Variants in ECD observed in about 807,000 individuals in gnomAD.
ECD encodes the protein protein ecdysoneless homolog.
ECD carries 59 observed loss-of-function variants against 77.2 expected under a neutral mutation model. The observed-to-expected ratio is 0.76, with a 90% CI of 0.62 to 0.95. The LOEUF is 0.95. ECD is among the 40% of genes least tolerant of loss of function. The pLI is 0.00. For missense variants in ECD, 704 were observed against 763.4 expected (o/e 0.92, Z 0.92); for synonymous variants, 233 against 267.4 (o/e 0.87, Z 1.26).
At chr10:73,153,381 C>T (rs1050754078) in intron 6 of ECD, among the ~76,000 whole-genome samples, 14 of 151,910 alleles carry the variant, frequency 9.2e-5, no homozygotes, top group African/African-American at 3.4e-4. Flanking sequence ...GTGTGAGCCA[C>T]CATGCCCGGC....
chr10:73,144,373 CCAGA>C (rs1843097370), intron 9 of ECD, among the ~76,000 whole-genome samples: 3 of 151,908 alleles, frequency 2.0e-5, no homozygotes, highest in Admixed American at 2.0e-4. Flanking sequence ...ACTTGTAATC[CCAGA>C]ACTTTGAGAA....
rs1381841364 is a variant in ECD, at chr10:73,139,721, G to A, written c.1144C>T (p.Pro382Ser). 1.9e-6 allele frequency: 3 copies of A among 1,602,048 alleles called. No homozygotes were observed. The highest frequency in any genetic ancestry group is 1.1e-5 in the South Asian group (1 of 88,980). Residue 382 changes from proline (P) to serine (S), a missense_variant, in exon 10 of 14, where the codon CCT becomes TCT. Pro to Ser is a moderately conservative substitution (Grantham distance 74). Around this residue, in one of 3 missense-constraint regions of ECD, gnomAD observed 559 missense variants for 583.7 expected, o/e 0.96. Coordinates refer to ENST00000372979, the MANE Select transcript of ECD (RefSeq NM_007265.3). The stretch of plus-strand genomic sequence containing the variant: ...AATAAGGTTAAGATTTCTTCACCAG[G>A]GCTCATAGCAAGAGAACTATGAAAA... The part of the protein sequence containing the change: ...DWPESSLAMS[P>S]GEEILTLLQT...
At chr10:73,144,500 A>G (rs1323174225) in intron 9 of ECD, among the ~76,000 whole-genome samples, 1 of 152,084 alleles carries the variant, frequency 6.6e-6, no homozygotes, top group African/African-American at 2.4e-5. Context: ...AAATAATAAT[A>G]ATAATAAAAG....
rs765679198 is a variant in ECD at position 73,163,945 on chromosome 10, T to G, written c.-8A>C. ...CTTCATGGTTTCTTCCATTCTTCTT[T>G]GAAAACTATGTTTAAAGTTCCAAAA... On this transcript the variant is annotated 5_prime_UTR_variant, in exon 2 of 14. Transcript: ENST00000372979. 1.9e-6 allele frequency: 3 copies of G among 1,613,092 alleles called. No homozygotes were observed. The highest frequency in any genetic ancestry group is 2.7e-5 in the African/African-American group (2 of 74,436).
At position 73,152,368 on chromosome 10, in the gene ECD, T is replaced by C; in HGVS notation, c.837A>G (p.Pro279=). 4 of 1,613,982 alleles carry C rather than the reference T, an allele frequency of 2.5e-6. No homozygotes were observed. Among genetic ancestry groups the C allele is most frequent in the Non-Finnish European group, 2.5e-6 (3 of 1,179,864 alleles). ...GCAGCCTGTATCCACTCCGCCGGTCTGGCACAAACCTTTGTTGCACCAATT... is the reference window on the plus strand; with the variant it reads ...GCAGCCTGTATCCACTCCGCCGGTCCGGCACAAACCTTTGTTGCACCAATT... ...YAQLVQQRFV[P]DRRSGYRLPP... Residue 279 remains proline, a synonymous_variant, in exon 7 of 14, where the codon CCA becomes CCG. Coordinates refer to ENST00000372979, the MANE Select transcript of ECD (RefSeq NM_007265.3).
At chr10:73,151,163 T>C (rs1589117545) in intron 7 of ECD, among the ~76,000 whole-genome samples, 1 of 152,134 alleles carries the variant, frequency 6.6e-6, no homozygotes, top group East Asian at 1.9e-4. Context: ...TAAGAAAATG[T>C]GGCACATATA....
At chr10:73,142,632 CAAAAAAAA>C (rs35853120) in intron 9 of ECD, among the ~76,000 whole-genome samples, 2 of 74,054 alleles carry the variant, frequency 2.7e-5, no homozygotes, top group Non-Finnish European at 3.4e-5. Flanking sequence ...GACTCCATCT[CAAAAAAAA>C]AAAAAAAAAA....
intron 3 of ECD, 132 bp downstream of exon 3, chr10:73,160,302 C>G: frequency 2.0e-6 from 1 of 488,382 alleles, no homozygotes; most frequent in Non-Finnish European, 3.3e-6. Flanking sequence ...AAAAAAAGAG[C>G]ACAGATACTA....
At chr10:73,152,446 T>C (rs746707661) in intron 6 of ECD, 25 bp from the exon 7 acceptor site, 1 of 1,602,488 alleles carries the variant, frequency 6.2e-7, no homozygotes, top group African/African-American at 1.3e-5. Flanking sequence ...ACAAAATACA[T>C]GAGTCTTTTC....
chr10:73,166,943 G>A (rs1232367035), intron 1 of ECD, among the ~76,000 whole-genome samples: 1 of 152,124 alleles, frequency 6.6e-6, no homozygotes, highest in Non-Finnish European at 1.5e-5. Flanking sequence ...TTCATAGTTT[G>A]AGGGCTTAGA....
At chr10:73,151,491 C>T (rs180863909) in intron 7 of ECD, among the ~76,000 whole-genome samples, 187 of 150,146 alleles carry the variant, frequency 1.2e-3, no homozygotes, top group Middle Eastern at 3.4e-3. Context: ...CAAACCTGCA[C>T]GTTGTGCACA....
chr10:73,160,782 C>T (rs918634837), intron 2 of ECD, among the ~76,000 whole-genome samples: 5 of 152,060 alleles, frequency 3.3e-5, no homozygotes, highest in East Asian at 1.9e-4. Flanking sequence ...TGTGCAGTAA[C>T]GGCTATGTGA....
chr10:73,164,878 A>C (rs529461260), intron 1 of ECD, among the ~76,000 whole-genome samples: 7 of 152,260 alleles, frequency 4.6e-5, no homozygotes, highest in Non-Finnish European at 8.8e-5. Flanking sequence ...ATTAGTAAGT[A>C]TGTAAGAATA....
intron 2 of ECD, among the ~76,000 whole-genome samples, chr10:73,162,283 T>C (rs1347003046): frequency 6.6e-6 from 1 of 152,166 alleles, no homozygotes; most frequent in South Asian, 2.1e-4. Context: ...GCCAAATAGA[T>C]GTAGAGAAGG....
chr10:73,147,177 C>T (rs190035158), intron 8 of ECD, among the ~76,000 whole-genome samples: 1 of 152,198 alleles, frequency 6.6e-6, no homozygotes, highest in East Asian at 1.9e-4. Context: ...CCTAGGAGAT[C>T]GAGGCTGCAG....
intron 7 of ECD, among the ~76,000 whole-genome samples, chr10:73,150,355 C>G (rs1203458269): frequency 2.6e-5 from 4 of 152,144 alleles, no homozygotes; most frequent in Non-Finnish European, 5.9e-5. Context: ...CTTCCTTATA[C>G]CTTATACAAA....
chr10:73,151,887 G>A (rs565153915), intron 7 of ECD, among the ~76,000 whole-genome samples: 11 of 152,110 alleles, frequency 7.2e-5, no homozygotes, highest in Admixed American at 1.3e-4. Context: ...TTTCTTTCCC[G>A]TGCAGAAATG....
At chr10:73,136,592 CTTAT>C in intron 13 of ECD, 108 bp downstream of exon 13, 1 of 970,782 alleles carries the variant, frequency 1.0e-6, no homozygotes, top group Non-Finnish European at 1.5e-6. Context: ...AATTAACATT[CTTAT>C]TTATTTCAAA....
intron 2 of ECD, among the ~76,000 whole-genome samples, chr10:73,162,943 T>C (rs1843400568): frequency 6.6e-6 from 1 of 152,122 alleles, no homozygotes; most frequent in Admixed American, 6.5e-5. Context: ...AGGAAAACAG[T>C]GTCATTGCAT....
Sources: gnomAD v4.1 joint callset for allele counts (sites outside exome capture counted in the v4.1 genomes callset) on GRCh38, gnomAD v4.1.1 for gene constraint, gnomAD v4.1.1 regional missense constraint, MANE v1.5 for transcripts, NCBI Gene and HGNC (gene_info 2026-07-23, HGNC 2026-07-21) for gene names.